The following ZNFX1 variants were observed in gnomAD, a reference collection of about 807,000 sequenced individuals.
The protein encoded by ZNFX1 is zinc finger NFX1-type containing 1.
ZNFX1 carries 78 observed loss-of-function variants against 179.8 expected under a neutral mutation model. The observed-to-expected ratio is 0.43, with a 90% CI of 0.36 to 0.52. ZNFX1 has a LOEUF of 0.52. ZNFX1 is among the 20% of genes least tolerant of loss of function. ZNFX1 has a pLI of 0.00. For synonymous variants in ZNFX1, 848 were observed against 868.5 expected (o/e 0.98, Z 0.42); for missense variants, 1,927 against 2,386.6 (o/e 0.81, Z 4.01).
At position 49,247,303 on chromosome 20, in the gene ZNFX1, G is replaced by C. The variant is rs199976903; in HGVS notation, c.5721C>G (p.Asn1907Lys). The change falls in exon 14 of 14, where the codon AAC becomes AAG. Residue 1907 changes from asparagine to lysine, a missense_variant. Transcript: ENST00000396105. ...CCTGGATCTCCTCAAAGTTCATCAG[G>C]TTGTTGGCCGTGTCAGACCAGGCAG... ...QHAAWSDTAN[N>K]LMNFEEIQGM... The C allele has an allele frequency of 6.2e-7, 1 of 1,613,084 alleles. No individual in the cohort carries two copies. Among genetic ancestry groups the C allele is most frequent in the African/African-American group, 1.3e-5 (1 of 74,908 alleles).
Position 49,254,526 on chromosome 20 carries a change from T to C in ZNFX1, c.2928A>G (p.Lys976=). 1 of 1,614,204 alleles carries C rather than the reference T, an allele frequency of 6.2e-7. No homozygotes were observed. The highest frequency in any genetic ancestry group is 8.5e-7 in the Non-Finnish European group (1 of 1,180,022). The change falls in exon 10 of 14, where the codon AAA becomes AAG. Residue 976 remains lysine, a synonymous_variant. Transcript: ENST00000396105. ...LRLQEDLHIL[K]DAQVVGMTTT... ...TTGTCATTCCTACAACCTGGGCATC[T>C]TTAAGAATGTGCAGGTCTTCCTGGA...
intron 6 of ZNFX1, among the ~76,000 whole-genome samples, chr20:49,262,607 T>A (rs1981141927): frequency 6.6e-6 from 1 of 152,154 alleles, no homozygotes; most frequent in South Asian, 2.1e-4. Flanking sequence ...TTGCTTCACT[T>A]ATTTGTAAGA....
At position 49,276,167 on chromosome 20, in the gene ZNFX1, T is replaced by C. The variant is rs543862553; in HGVS notation, c.-48-280A>G. Reference sequence around the variant, plus strand: ...GTAGAGGGAATGTCATCAATTCCCATTCAAAACTGCTGTTTGGTTTATGCC... The same window carrying C: ...GTAGAGGGAATGTCATCAATTCCCACTCAAAACTGCTGTTTGGTTTATGCC... On this transcript the variant is annotated intron_variant, in intron 1 of 13. Transcript: ENST00000396105. Among the ~76,000 whole-genome samples, 32 of 152,372 alleles carry C rather than the reference T, an allele frequency of 2.1e-4. No homozygotes were observed. In the South Asian group the frequency reaches 6.2e-3, roughly 30 times the overall value.
Position 49,247,364 on chromosome 20 carries a change from T to C in ZNFX1, c.5660A>G (p.Asn1887Ser), listed in dbSNP as rs1980703804. ...TCCATCCATTTCAGAAGCAAGCTGG[T>C]TGCTTCTTTCCAGAGTATGATTTGT... is the stretch of plus-strand genomic sequence containing the variant. ...GGTNHTLERS[N>S]QLASEMDGAQ... Residue 1887 changes from asparagine to serine, a missense_variant, in exon 14 of 14, where the codon AAC becomes AGC. Coordinates refer to ENST00000396105, the MANE Select transcript of ZNFX1 (RefSeq NM_021035.3). 2 of 1,614,174 alleles carry C rather than the reference T, an allele frequency of 1.2e-6. No individual in the cohort carries two copies. The highest frequency in any genetic ancestry group is 2.2e-5 in the East Asian group (1 of 44,880).
At chr20:49,266,614 A>C (rs964523948) in intron 3 of ZNFX1, among the ~76,000 whole-genome samples, 3 of 150,254 alleles carry the variant, frequency 2.0e-5, no homozygotes, top group Non-Finnish European at 3.0e-5. Flanking sequence ...TTTTTCACTT[A>C]ATGTATCTTG....
At chr20:49,266,373 T>A in intron 3 of ZNFX1, 107 bp from the exon 4 acceptor site, 1 of 1,119,410 alleles carries the variant, frequency 8.9e-7, no homozygotes. Context: ...TTAAGATAGT[T>A]TAAAATCTAA....
At chr20:49,277,104 G>A (rs1229450836) in intron 1 of ZNFX1, among the ~76,000 whole-genome samples, 1 of 151,386 alleles carries the variant, frequency 6.6e-6, no homozygotes, top group Non-Finnish European at 1.5e-5. Context: ...GTTTTTTTTT[G>A]GTGGGGGGAA....
intron 13 of ZNFX1, 131 bp from the exon 14 acceptor site, chr20:49,249,842 C>A (rs754798028): frequency 1.1e-6 from 1 of 899,118 alleles, no homozygotes; most frequent in Non-Finnish European, 1.7e-6. Context: ...GTCCACTCAA[C>A]ATCACTATCT....
chr20:49,269,163 A>C (rs1427281016), intron 3 of ZNFX1, among the ~76,000 whole-genome samples: 2 of 152,268 alleles, frequency 1.3e-5, no homozygotes, highest in Non-Finnish European at 2.9e-5. Context: ...ACACCACGGA[A>C]TACTATGCAG....
intron 8 of ZNFX1, among the ~76,000 whole-genome samples, chr20:49,256,284 C>T (rs889201526): frequency 7.2e-5 from 11 of 152,128 alleles, no homozygotes; most frequent in South Asian, 2.1e-4. Context: ...GGAGTAAATA[C>T]GTGGAAAGCA....
Position 49,270,615 on chromosome 20 carries a change from G to T in ZNFX1, c.1197C>A (p.Gly399=). 6.2e-7 allele frequency: 1 copy of T among 1,614,142 alleles called. No homozygotes were observed. The highest frequency in any genetic ancestry group is 8.5e-7 in the Non-Finnish European group (1 of 1,180,030). Residue 399 remains glycine (G), a synonymous_variant, in exon 3 of 14, where the codon GGC becomes GGA. Transcript: ENST00000396105. The surrounding 1 kb of genome is among the most constrained non-coding windows in gnomAD (Gnocchi z 4.6). ...TGTCATCAAACTTTCTCTTCCTCAG[G>T]CCCTGGTCTTCAAAGCTTTGGAGAA... ...LELLQSFEDQ[G]LRKRKFDDIR... is the part of the protein sequence containing the mutation.
At chr20:49,262,871 T>C (rs1981148504) in intron 6 of ZNFX1, among the ~76,000 whole-genome samples, 1 of 152,242 alleles carries the variant, frequency 6.6e-6, no homozygotes, top group South Asian at 2.1e-4. Flanking sequence ...TGTGCTAGTT[T>C]GCCTCTGGTT....
At chr20:49,264,247 A>C (rs1358804149) in intron 5 of ZNFX1, among the ~76,000 whole-genome samples, 2 of 152,166 alleles carry the variant, frequency 1.3e-5, no homozygotes, top group Non-Finnish European at 2.9e-5. Flanking sequence ...GTTGGCACTC[A>C]GAAAGTTTTG....
chr20:49,272,236 G>C (rs1042189957), intron 2 of ZNFX1, among the ~76,000 whole-genome samples: 50 of 148,936 alleles, frequency 3.4e-4, no homozygotes, highest in African/African-American at 1.2e-3. Flanking sequence ...GGAGTGCAGT[G>C]GTGCGATCTC....
rs150448779 is a variant in ZNFX1 at position 49,270,408 on chromosome 20, G to A, written c.1404C>T (p.Thr468=). The change falls in exon 3 of 14, where the codon ACC becomes ACT. Residue 468 remains threonine, a synonymous_variant. Coordinates refer to ENST00000396105, the MANE Select transcript of ZNFX1 (RefSeq NM_021035.3). The surrounding 1 kb of genome is among the most constrained non-coding windows in gnomAD (Gnocchi z 4.6). ...KDNFETFLFA[T]VSNREQEDLC... is the part of the protein sequence containing the mutation. ...GATCTTCCTGCTCCCTGTTAGATAC[G>A]GTGGCAAAAAGAAATGTCTCGAAGT... 37 of 1,614,058 alleles carry A rather than the reference G, an allele frequency of 2.3e-5. No homozygotes were observed. The highest frequency in any genetic ancestry group is 6.7e-5 in the African/African-American group (5 of 74,926).
chr20:49,257,334 G>A (rs1980992551), intron 8 of ZNFX1, 83 bp downstream of exon 8: 2 of 1,560,838 alleles, frequency 1.3e-6, no homozygotes, highest in Non-Finnish European at 1.7e-6. Context: ...TAATGGTGAA[G>A]TGAATATACT....
At chr20:49,263,307 A>G (rs201258872) in intron 6 of ZNFX1, 27 bp downstream of exon 6, 2 of 1,609,612 alleles carry the variant, frequency 1.2e-6, no homozygotes, top group Admixed American at 3.3e-5. Flanking sequence ...CCAGAGACAT[A>G]TTTGTGTCCC....
Position 49,271,195 on chromosome 20 carries a change from T to C in ZNFX1, c.617A>G (p.His206Arg), listed in dbSNP as rs756061701. 5.0e-6 allele frequency: 8 copies of C among 1,614,114 alleles called. No homozygotes were observed. Among genetic ancestry groups the C allele is most frequent in the South Asian group, 2.2e-5 (2 of 91,082 alleles). Reference protein sequence around the residue: ...SSKMDRQSVLHVLGILKNSKF... With the variant: ...SSKMDRQSVLRVLGILKNSKF... ...GGAGTTTTTCAATATGCCCAGTACA[T>C]GGAGAACACTCTGGCGATCCATTTT... is the stretch of plus-strand genomic sequence containing the variant. The change falls in exon 3 of 14, where the codon CAT (histidine) becomes CGT (arginine). Residue 206 changes from histidine (H) to arginine (R), a missense_variant. His to Arg is a conservative substitution (Grantham distance 29, BLOSUM62 0). Transcript: ENST00000396105.
intron 9 of ZNFX1, 111 bp downstream of exon 9, chr20:49,255,697 G>A (rs1275421823): frequency 8.0e-7 from 1 of 1,247,900 alleles, no homozygotes; most frequent in African/African-American, 1.5e-5. Context: ...GCTCAGTGGT[G>A]GTGCTCAATC....
Sources: gnomAD v4.1 joint callset for allele counts (sites outside exome capture counted in the v4.1 genomes callset) on GRCh38, gnomAD v4.1.1 for gene constraint, Gnocchi (gnomAD v3.1) non-coding constraint, MANE v1.5 for transcripts, NCBI Gene and HGNC (gene_info 2026-07-23, HGNC 2026-07-21) for gene names.